OGDH: variants seen among roughly 807,000 people sequenced by gnomAD.
OGDH encodes 2-oxoglutarate dehydrogenase complex component E1.
In OGDH, 38 loss-of-function variants were observed where a neutral mutation model predicts 116.6. The observed-to-expected ratio is 0.33, with a 90% CI of 0.25 to 0.43. The LOEUF is 0.43. Ranked by LOEUF, OGDH falls within the 20% of genes least tolerant of loss-of-function variation. OGDH has a pLI of 1.00. For synonymous variants in OGDH, 488 were observed against 533.3 expected (o/e 0.92, Z 1.17); for missense variants, 825 against 1,357.2 (o/e 0.61, Z 6.16).
chr7:44,647,474 C>T (rs1786235714), intron 3 of OGDH, 183 bp from the exon 4 acceptor site: 1 of 1,538,410 alleles, frequency 6.5e-7, no homozygotes. Flanking sequence ...AAAACTTGAT[C>T]CTCTCGGAAT....
chr7:44,708,731 A>G lies in OGDH; in HGVS notation c.*732A>G, dbSNP rs12868. The stretch of plus-strand genomic sequence containing the variant: ...AGGAAGCCCCGCTCAGGTAGCCACC[A>G]CCGGGGCACTGGCTGCTCTGTCTTG... On this transcript the variant is annotated 3_prime_UTR_variant, in exon 23 of 23. Transcript: ENST00000222673. 0.76 allele frequency: 116,221 copies of G among 152,218 alleles called. 45,362 individuals are homozygous for G. Among genetic ancestry groups the G allele is most frequent in the East Asian group, 1 (5,164 of 5,186 alleles). The allele number at this position is 152,218 out of a possible 1,614,324, so 9.4% of individuals were successfully genotyped here.
intron 1 of OGDH, among the ~76,000 whole-genome samples, chr7:44,623,071 T>C (rs1785063521): frequency 6.6e-6 from 1 of 152,152 alleles, no homozygotes. Flanking sequence ...TCTCCCTTGC[T>C]CAGACCTGGC....
intron 3 of OGDH, chr7:44,647,404 C>G: frequency 7.1e-7 from 1 of 1,411,562 alleles, no homozygotes; most frequent in Non-Finnish European, 9.7e-7. Context: ...CCACAGCTCA[C>G]TGGATCTGCT....
chr7:44,683,160 G>A (rs955456468), intron 10 of OGDH, among the ~76,000 whole-genome samples: 1 of 151,770 alleles, frequency 6.6e-6, no homozygotes, highest in Non-Finnish European at 1.5e-5. Context: ...AAATAAATAA[G>A]TAAATAAATA....
At chr7:44,631,024 T>G (rs1161809605) in intron 2 of OGDH, among the ~76,000 whole-genome samples, 1 of 152,158 alleles carries the variant, frequency 6.6e-6, no homozygotes, top group African/African-American at 2.4e-5. Context: ...GCCGCTCACT[T>G]CCTGCTATGC....
chr7:44,689,208 C>CTTTT (rs367897508), intron 10 of OGDH, among the ~76,000 whole-genome samples: 25 of 101,334 alleles, frequency 2.5e-4, no homozygotes, highest in African/African-American at 3.7e-4. Flanking sequence ...ATCAGGGTTC[C>CTTTT]TTTTTTTTTT....
At chr7:44,655,706 G>A (rs539450066) in intron 4 of OGDH, among the ~76,000 whole-genome samples, 26 of 152,320 alleles carry the variant, frequency 1.7e-4, no homozygotes, top group African/African-American at 6.0e-4. Flanking sequence ...GTAGAAATCC[G>A]ATGAAAAGTT....
chr7:44,632,917 A>T (rs1016240161), intron 2 of OGDH, among the ~76,000 whole-genome samples: 3 of 151,704 alleles, frequency 2.0e-5, no homozygotes, highest in African/African-American at 7.3e-5. Context: ...GAAAAAAAAA[A>T]TTTTGTTTAA....
intron 2 of OGDH, among the ~76,000 whole-genome samples, chr7:44,630,302 G>A (rs1423129754): frequency 3.9e-5 from 6 of 152,180 alleles, no homozygotes; most frequent in Admixed American, 2.6e-4. Context: ...CTGCATGTGC[G>A]GTGAAGGGGC....
At position 44,707,796 on chromosome 7, in the gene OGDH, T is replaced by C. The variant is rs1412519480; in HGVS notation, c.2951+60T>C. On this transcript the variant is annotated intron_variant, in intron 22 of 22. Transcript: ENST00000222673. The surrounding 1 kb of genome is among the most constrained non-coding windows in gnomAD (Gnocchi z 5.2). ...ACCCTCCCCTCAGGCCAGTAGGCAG[T>C]TAGCCAGGCACATGCAGCAGAGGGA... The C allele has an allele frequency of 1.9e-6, 3 of 1,611,206 alleles. No individual in the cohort carries two copies. The East Asian group carries it at 6.7e-5, about 36-fold the overall frequency.
In OGDH at chr7:44,693,963, G is replaced by A. The variant is rs1585381934; in HGVS notation, c.1474G>A (p.Glu492Lys). 2 of 1,614,004 alleles carry A rather than the reference G, an allele frequency of 1.2e-6. No individual in the cohort carries two copies. The highest frequency in any genetic ancestry group is 1.1e-5 in the South Asian group (1 of 91,066). ...AVMYVCKVAA[E>K]WRSTFHKDVV... ...CATGTACGTGTGCAAAGTGGCGGCC[G>A]AGTGGAGGAGCACCTTCCACAAGGA... Residue 492 changes from glutamate to lysine, a missense_variant, in exon 11 of 23, where the codon GAG becomes AAG. By Grantham distance (56) the Glu-to-Lys change is moderately conservative. Transcript: ENST00000222673.
At chr7:44,678,228 G>A (rs1230209204) in intron 9 of OGDH, among the ~76,000 whole-genome samples, 1 of 152,138 alleles carries the variant, frequency 6.6e-6, no homozygotes. Context: ...GCTAAGGTGA[G>A]ATCGGCATGG....
At chr7:44,704,835 C>G (rs1464130758) in intron 20 of OGDH, among the ~76,000 whole-genome samples, 2 of 151,590 alleles carry the variant, frequency 1.3e-5, no homozygotes, top group Non-Finnish European at 2.9e-5. Context: ...CTCAGCCTCC[C>G]AAGTAGCTGG....
At chr7:44,631,286 T>C (rs1785429383) in intron 2 of OGDH, among the ~76,000 whole-genome samples, 2 of 152,188 alleles carry the variant, frequency 1.3e-5, no homozygotes, top group African/African-American at 4.8e-5. Context: ...AAGTTACCCC[T>C]TGATGATTTT....
At chr7:44,632,205 C>T (rs1320235862) in intron 2 of OGDH, among the ~76,000 whole-genome samples, 1 of 152,080 alleles carries the variant, frequency 6.6e-6, no homozygotes, top group Non-Finnish European at 1.5e-5. Flanking sequence ...TCCCCAAGAG[C>T]AGGAGGGACT....
At position 44,691,812 on chromosome 7, in the gene OGDH, T is replaced by TA. The variant is rs1161422767; in HGVS notation, c.1336-2001dup. Reference sequence around the variant, plus strand: ...TAACACCATGAAACCCCATCTCTACTAAAAAAAAAAAATACAAAAAATTAG... The same window carrying TA: ...TAACACCATGAAACCCCATCTCTACTAAAAAAAAAAAAATACAAAAAATTAG... On this transcript the variant is annotated intron_variant, in intron 10 of 22. Coordinates refer to ENST00000222673, the MANE Select transcript of OGDH (RefSeq NM_002541.4). Among the ~76,000 whole-genome samples, 651 of 135,646 alleles carry TA rather than the reference T, an allele frequency of 4.8e-3. 7 individuals are homozygous for TA. Among genetic ancestry groups the TA allele is most frequent in the African/African-American group, 0.016 (581 of 36,784 alleles). The allele number at this position is 135,646 out of a possible 152,430, so 89.0% of individuals were successfully genotyped here. A position where few individuals can be genotyped will look rare whatever the true frequency, so the allele number is the denominator to read the frequency against.
intron 10 of OGDH, among the ~76,000 whole-genome samples, chr7:44,686,338 C>T (rs1788125326): frequency 6.6e-6 from 1 of 152,142 alleles, no homozygotes; most frequent in Admixed American, 6.6e-5. Context: ...TGTCTCTAAT[C>T]TGTGGACAGT....
intron 7 of OGDH, 89 bp downstream of exon 7, chr7:44,674,646 G>A (rs1307904310): frequency 1.4e-6 from 2 of 1,447,830 alleles, no homozygotes; most frequent in East Asian, 2.3e-5. Flanking sequence ...GAGAGCAGCT[G>A]TTTCCTCCTT....
intron 19 of OGDH, among the ~76,000 whole-genome samples, chr7:44,701,058 G>T (rs1014970130): frequency 6.6e-6 from 1 of 152,204 alleles, no homozygotes; most frequent in Non-Finnish European, 1.5e-5. Flanking sequence ...GTGGGGGACA[G>T]CGAGGGAGTG....
Sources: allele counts gnomAD v4.1 joint callset (sites outside exome capture counted in the v4.1 genomes callset), GRCh38; gene constraint gnomAD v4.1.1; non-coding constraint Gnocchi (gnomAD v3.1); transcripts MANE v1.5; gene names NCBI Gene and HGNC (gene_info 2026-07-23, HGNC 2026-07-21).